The following DAPK1 variants were observed in gnomAD, a reference collection of about 807,000 sequenced individuals.
DAPK1 encodes death associated protein kinase 1.
Under a neutral mutation model 144.9 loss-of-function variants are expected in DAPK1, and 56 were observed. The observed-to-expected ratio is 0.39, with a 90% CI of 0.31 to 0.48. The LOEUF (loss-of-function observed/expected upper bound fraction) is 0.48, where lower values mean the gene tolerates loss of function less well. DAPK1 is among the 20% of genes least tolerant of loss of function. The pLI is 0.95. For missense variants in DAPK1, 1,454 were observed against 1,875.4 expected (o/e 0.78, Z 4.15); for synonymous variants, 690 against 749.0 (o/e 0.92, Z 1.29).
At chr9:87,694,940 T>C (rs1825203702) in intron 21 of DAPK1, among the ~76,000 whole-genome samples, 1 of 152,172 alleles carries the variant, frequency 6.6e-6, no homozygotes, top group South Asian at 2.1e-4. Flanking sequence ...TCCAGGCAGC[T>C]CCCTCAGCTA....
In DAPK1 at chr9:87,707,888, T is replaced by G; in HGVS notation, c.*524T>G. 1 of 456,002 alleles carries G rather than the reference T, an allele frequency of 2.2e-6. No homozygotes were observed. Among genetic ancestry groups the G allele is most frequent in the Non-Finnish European group, 4.4e-6 (1 of 226,900 alleles). 28.2% of individuals were successfully genotyped at this position (456,002 alleles called of 1,614,324 possible). ...CTGTATGATTTATAAACAGACAATA[T>G]GTGAGTGCCTTTTGCAGAAGAGGGT... On this transcript the variant is annotated 3_prime_UTR_variant, in exon 26 of 26. Transcript: ENST00000408954. The surrounding 1 kb of genome is among the most constrained non-coding windows in gnomAD (Gnocchi z 4.0).
chr9:87,682,731 G>A (rs1286359424), intron 20 of DAPK1, among the ~76,000 whole-genome samples: 2 of 152,240 alleles, frequency 1.3e-5, no homozygotes, highest in African/African-American at 4.8e-5. Context: ...GGAACTGGAA[G>A]AAATATGGTC....
chr9:87,647,696 G>A (rs918219060), intron 14 of DAPK1, among the ~76,000 whole-genome samples: 2 of 152,178 alleles, frequency 1.3e-5, no homozygotes, highest in Non-Finnish European at 2.9e-5. Context: ...AGAGACCTCG[G>A]TCTCGATTCG....
chr9:87,644,228 A>C (rs558505290), intron 11 of DAPK1, among the ~76,000 whole-genome samples: 1 of 152,214 alleles, frequency 6.6e-6, no homozygotes, highest in East Asian at 1.9e-4. Context: ...TCTAATCCAA[A>C]CTGAAACCTA....
intron 2 of DAPK1, among the ~76,000 whole-genome samples, chr9:87,536,697 A>G (rs1031034642): frequency 5.3e-5 from 8 of 152,188 alleles, no homozygotes; most frequent in African/African-American, 9.6e-5. Flanking sequence ...TACTAGGATT[A>G]TCTTGTTTCT....
intron 3 of DAPK1, among the ~76,000 whole-genome samples, chr9:87,626,163 C>A (rs1413637803): frequency 6.6e-6 from 1 of 152,234 alleles, no homozygotes; most frequent in Non-Finnish European, 1.5e-5. Flanking sequence ...CACCTGTAAT[C>A]CCAGCACTTT....
chr9:87,624,224 A>T (rs1424587538), intron 3 of DAPK1, among the ~76,000 whole-genome samples: 1 of 152,166 alleles, frequency 6.6e-6, no homozygotes, highest in Non-Finnish European at 1.5e-5. Flanking sequence ...CATGCTGCAG[A>T]TCACTCAGAG....
intron 19 of DAPK1, among the ~76,000 whole-genome samples, chr9:87,677,022 C>T (rs1002501166): frequency 2.0e-5 from 3 of 152,206 alleles, no homozygotes; most frequent in East Asian, 1.9e-4. Flanking sequence ...AGGAGGATGG[C>T]ATTAACCACA....
rs1325450119 is a variant in DAPK1, at chr9:87,647,414, T to G, written c.1329+11T>G. ...GATGTGAAAGACAAGGTAAGGCCAC[T>G]TCTCTTAGGAGGAACATGAGGTGGT... On this transcript the variant is annotated intron_variant, in intron 14 of 25. Transcript: ENST00000408954. The G allele has an allele frequency of 6.2e-7, 1 of 1,610,190 alleles. No individual in the cohort carries two copies. The highest frequency in any genetic ancestry group is 8.5e-7 in the Non-Finnish European group (1 of 1,176,482).
At chr9:87,571,498 AACACACACACACAC>A (rs768913480) in intron 2 of DAPK1, among the ~76,000 whole-genome samples, 2 of 46,498 alleles carry the variant, frequency 4.3e-5, no homozygotes, top group African/African-American at 9.6e-5. Context: ...CACACACCCC[AACACACACACACAC>A]ACACACACAC....
chr9:87,536,361 G>C (rs1825860801), intron 2 of DAPK1, among the ~76,000 whole-genome samples: 1 of 152,172 alleles, frequency 6.6e-6, no homozygotes, highest in Non-Finnish European at 1.5e-5. Context: ...GACACCATGT[G>C]CGTGAGCATG....
In DAPK1 at chr9:87,660,154, C is replaced by T. The variant is rs991921253; in HGVS notation, c.1923+2027C>T. Among the ~76,000 whole-genome samples, 6 of 152,136 alleles carry T rather than the reference C, an allele frequency of 3.9e-5. No homozygotes were observed. In the South Asian group the frequency reaches 1.0e-3, roughly 26 times the overall value. ...CTCAGCGGCCTCCAGTGCCCTCCTG[C>T]GGTGGGAGCACAATGTCTGGAGCTG... On this transcript the variant is annotated intron_variant, in intron 18 of 25. Transcript: ENST00000408954.
At chr9:87,632,043 G>T in intron 3 of DAPK1, 1 of 781,866 alleles carries the variant, frequency 1.3e-6, no homozygotes, top group Non-Finnish European at 1.6e-6. Context: ...TAGGGATGAA[G>T]GAGGATGAGT....
chr9:87,653,024 T>C (rs377738763), intron 17 of DAPK1, among the ~76,000 whole-genome samples: 80 of 95,804 alleles, frequency 8.4e-4, no homozygotes, highest in South Asian at 2.1e-3. Context: ...CTGTGTCCTC[T>C]CACCTGATCC....
At chr9:87,583,206 C>A (rs180775706) in intron 2 of DAPK1, among the ~76,000 whole-genome samples, 2 of 152,152 alleles carry the variant, frequency 1.3e-5, no homozygotes, top group African/African-American at 4.8e-5. Flanking sequence ...ATTACAGATT[C>A]CCCCTTTATT....
chr9:87,661,129 C>A (rs554628899), intron 18 of DAPK1, among the ~76,000 whole-genome samples: 1 of 152,198 alleles, frequency 6.6e-6, no homozygotes, highest in Non-Finnish European at 1.5e-5. Context: ...TGAGCCACCA[C>A]GCCCAGGCTG....
At chr9:87,526,209 T>G (rs1825502621) in intron 2 of DAPK1, among the ~76,000 whole-genome samples, 1 of 152,106 alleles carries the variant, frequency 6.6e-6, no homozygotes, top group Admixed American at 6.5e-5. Flanking sequence ...TCACACCTTT[T>G]AATATGCAAT....
intron 19 of DAPK1, among the ~76,000 whole-genome samples, chr9:87,679,716 G>A (rs57338639): frequency 0.025 from 3,789 of 152,314 alleles, 108 homozygotes; most frequent in African/African-American, 0.068. Context: ...GATGAATGAA[G>A]GAGTGAGTGA....
chr9:87,666,959 G>A (rs1440099504), intron 18 of DAPK1, among the ~76,000 whole-genome samples: 3 of 152,162 alleles, frequency 2.0e-5, no homozygotes, highest in African/African-American at 7.2e-5. Flanking sequence ...TTCTAACTAG[G>A]GCAGTGGTTC....
Sources: allele counts gnomAD v4.1 joint callset (sites outside exome capture counted in the v4.1 genomes callset), GRCh38; gene constraint gnomAD v4.1.1; non-coding constraint Gnocchi (gnomAD v3.1); transcripts MANE v1.5; gene names NCBI Gene and HGNC (gene_info 2026-07-23, HGNC 2026-07-21).